The following MAPK13 variants were observed in gnomAD, a reference collection of about 807,000 sequenced individuals.
MAPK13 encodes mitogen-activated protein kinase 13, also known as MAP kinase 13.
In MAPK13, 39 loss-of-function variants were observed where a neutral mutation model predicts 53.5. The observed-to-expected ratio is 0.73, with a 90% CI of 0.56 to 0.95. The LOEUF (loss-of-function observed/expected upper bound fraction) is 0.95, where lower values mean the gene tolerates loss of function less well. Ranked by LOEUF, MAPK13 falls within the 40% of genes least tolerant of loss-of-function variation. The pLI is 0.00. For synonymous variants in MAPK13, 179 were observed against 190.9 expected, an observed-to-expected ratio of 0.94 and a Z score of 0.51; for missense variants, 460 against 471.8, an observed-to-expected ratio of 0.98 and a Z score of 0.23.
chr6:36,133,538 G>T (rs1262016539), intron 3 of MAPK13, among the ~76,000 whole-genome samples: 1 of 152,194 alleles, frequency 6.6e-6, no homozygotes, highest in Non-Finnish European at 1.5e-5. Context: ...TGGAGGAATG[G>T]GCAGGTTCCT....
chr6:36,139,114 C>G, intron 11 of MAPK13, 59 bp downstream of exon 11: 1 of 1,520,532 alleles, frequency 6.6e-7, no homozygotes, highest in Non-Finnish European at 8.8e-7. Flanking sequence ...TCCTTGCTTC[C>G]TCCATCTTTG....
In MAPK13 at chr6:36,131,408, G is replaced by T. The variant is rs1287135781; in HGVS notation, c.249+8G>T. On this transcript the variant is annotated splice_region_variant and intron_variant, in intron 2 of 11. Coordinates refer to ENST00000211287, the MANE Select transcript of MAPK13 (RefSeq NM_002754.5). The stretch of plus-strand genomic sequence containing the variant: ...CACATGCAGCATGAGAACGTAGGTG[G>T]TGGCTGCCCCGGGGAGGGGGTGGGG... The T allele has an allele frequency of 5.0e-6, 8 of 1,609,966 alleles. No homozygotes were observed. The highest frequency in any genetic ancestry group is 1.7e-4 in the Middle Eastern group (1 of 6,052).
At chr6:36,134,699 A>ATTT (rs987716419) in intron 3 of MAPK13, among the ~76,000 whole-genome samples, 2 of 143,780 alleles carry the variant, frequency 1.4e-5, no homozygotes, top group South Asian at 4.4e-4. Context: ...CACCTGGCTA[A>ATTT]TTTTTTTTTT....
At chr6:36,133,476 C>T (rs985689752) in intron 3 of MAPK13, among the ~76,000 whole-genome samples, 5 of 152,064 alleles carry the variant, frequency 3.3e-5, no homozygotes, top group African/African-American at 7.2e-5. Context: ...GAGGCAGGGC[C>T]GACACAATGT....
chr6:36,134,533 C>G (rs906793445), intron 3 of MAPK13, among the ~76,000 whole-genome samples: 1 of 152,112 alleles, frequency 6.6e-6, no homozygotes, highest in African/African-American at 2.4e-5. Flanking sequence ...GGTGGGACTA[C>G]AGATGCATGC....
intron 5 of MAPK13, 54 bp downstream of exon 5, chr6:36,136,102 T>C: frequency 1.6e-5 from 25 of 1,598,226 alleles, no homozygotes; most frequent in Non-Finnish European, 1.5e-5. Context: ...TCCCTGGGTA[T>C]GGGGTTCTCT....
At chr6:36,135,717 C>T (rs200235902) in intron 3 of MAPK13, 36 bp from the exon 4 acceptor site, 3 of 1,499,662 alleles carry the variant, frequency 2.0e-6, no homozygotes, top group Non-Finnish European at 2.8e-6. Context: ...CTGGGTGGGA[C>T]CCGGCACTGT....
intron 3 of MAPK13, among the ~76,000 whole-genome samples, chr6:36,133,826 A>G (rs561299068): frequency 3.9e-5 from 6 of 152,284 alleles, no homozygotes; most frequent in African/African-American, 9.6e-5. Flanking sequence ...ATCCAAGAGG[A>G]TGAGCAGATG....
chr6:36,144,300 CAT>C lies in MAPK13; in HGVS notation c.*4930_*4931del, dbSNP rs1280377073. 2 of 152,088 alleles carry C rather than the reference CAT, an allele frequency of 1.3e-5. No homozygotes were observed. Among genetic ancestry groups the C allele is most frequent in the Non-Finnish European group, 2.9e-5 (2 of 68,018 alleles). 9.4% of individuals were successfully genotyped at this position (152,088 alleles called of 1,614,324 possible). A position where few individuals can be genotyped will look rare whatever the true frequency, so the allele number is the denominator to read the frequency against. ...CTATGTGTATAGGTTTCTTTATTAACATATTGAATAAAAAGATCGAGGGTAGG... is the reference window on the plus strand; with the variant it reads ...CTATGTGTATAGGTTTCTTTATTAACATTGAATAAAAAGATCGAGGGTAGG... On this transcript the variant is annotated 3_prime_UTR_variant, in exon 12 of 12. Coordinates refer to ENST00000211287, the MANE Select transcript of MAPK13 (RefSeq NM_002754.5).
Position 36,138,871 on chromosome 6 carries a change from C to T in MAPK13, c.842-8C>T. 1.9e-6 allele frequency: 3 copies of T among 1,610,632 alleles called. No individual in the cohort carries two copies. The highest frequency in any genetic ancestry group is 1.1e-5 in the South Asian group (1 of 90,876). ...CCTGGTGTGAGGCTCTTGGCTCTGC[C>T]CCTGCAGCTGCGGACCTGCTGGAGA... On this transcript the variant is annotated splice_polypyrimidine_tract_variant and splice_region_variant and intron_variant, in intron 10 of 11. Transcript: ENST00000211287.
Position 36,130,587 on chromosome 6 carries a change from G to A in MAPK13, c.5G>A (p.Ser2Asn). The change falls in exon 1 of 12, where the codon AGC (serine) becomes AAC (asparagine). Residue 2 changes from serine (S) to asparagine (N), a missense_variant. Ser to Asn is a conservative substitution (Grantham distance 46). Coordinates refer to ENST00000211287, the MANE Select transcript of MAPK13 (RefSeq NM_002754.5). This position sits in a 1 kb window ranked among gnomAD's most constrained non-coding sequence, Gnocchi z 4.5. Reference sequence around the variant, plus strand: ...CGCCGAGATCGGGTGCCCGGGATGAGCCTCATCCGGAAAAAGGGCTTCTAC... The same window carrying A: ...CGCCGAGATCGGGTGCCCGGGATGAACCTCATCCGGAAAAAGGGCTTCTAC... M[S>N]LIRKKGFYKQ... 6.4e-7 allele frequency: 1 copy of A among 1,556,350 alleles called. No individual in the cohort carries two copies. Among genetic ancestry groups the A allele is most frequent in the Non-Finnish European group, 8.7e-7 (1 of 1,147,812 alleles).
chr6:36,135,518 T>A (rs1766398838), intron 3 of MAPK13, among the ~76,000 whole-genome samples: 1 of 152,176 alleles, frequency 6.6e-6, no homozygotes, highest in South Asian at 2.1e-4. Context: ...CTGAGCGCGC[T>A]CCAACTGCAG....
At chr6:36,131,470 C>T (rs1581878697) in intron 2 of MAPK13, 70 bp downstream of exon 2, 1 of 1,497,256 alleles carries the variant, frequency 6.7e-7, no homozygotes, top group East Asian at 2.3e-5. Flanking sequence ...GCAGGCGGGG[C>T]CTCCCGGTAT....
Position 36,132,637 on chromosome 6 carries a change from A to T in MAPK13, c.266A>T (p.Asp89Val). Residue 89 changes from aspartate (D) to valine (V), a missense_variant, in exon 3 of 12, where the codon GAT becomes GTT. Asp to Val is a radical substitution (Grantham distance 152). Transcript: ENST00000211287. ...CTTCCCCAGGTCATTGGGCTCCTGGATGTCTTCACCCCAGCCTCCTCCCTG... is the reference window on the plus strand; with the variant it reads ...CTTCCCCAGGTCATTGGGCTCCTGGTTGTCTTCACCCCAGCCTCCTCCCTG... The part of the protein sequence containing the change: ...MQHENVIGLL[D>V]VFTPASSLRN... The T allele has an allele frequency of 1.2e-6, 2 of 1,614,120 alleles. No individual in the cohort carries two copies. The highest frequency in any genetic ancestry group is 1.1e-5 in the South Asian group (1 of 91,090).
intron 3 of MAPK13, among the ~76,000 whole-genome samples, chr6:36,133,290 G>A (rs1266968281): frequency 2.6e-5 from 4 of 152,288 alleles, no homozygotes; most frequent in African/African-American, 7.2e-5. Context: ...ACTTTGAGCC[G>A]GGAGGTGATA....
Position 36,130,699 on chromosome 6 carries a change from G to A in MAPK13, c.117G>A (p.Val39=), listed in dbSNP as rs1766298980. ...TCGGCAGCGGGGCCTATGGCTCCGTGTGGTGAGACCCCTGGGCCGCTGGGG... is the reference window on the plus strand; with the variant it reads ...TCGGCAGCGGGGCCTATGGCTCCGTATGGTGAGACCCCTGGGCCGCTGGGG... The part of the protein sequence containing the change: ...THVGSGAYGS[V]CSAIDKRSGE... The change falls in exon 1 of 12, where the codon GTG becomes GTA. Residue 39 remains valine (V), a splice_region_variant and synonymous_variant. Transcript: ENST00000211287. The surrounding 1 kb of genome is among the most constrained non-coding windows in gnomAD (Gnocchi z 4.5). 1.6e-6 allele frequency: 2 copies of A among 1,266,420 alleles called. No individual in the cohort carries two copies. The highest frequency in any genetic ancestry group is 2.2e-6 in the Non-Finnish European group (2 of 894,498). The allele number at this position is 1,266,420 out of a possible 1,614,324, so 78.4% of individuals were successfully genotyped here.
rs1476732952 is a variant in MAPK13, at chr6:36,138,713, C to T, written c.774C>T (p.Tyr258=). 1.9e-6 allele frequency: 3 copies of T among 1,614,188 alleles called. No individual in the cohort carries two copies. The highest frequency in any genetic ancestry group is 1.7e-6 in the Non-Finnish European group (2 of 1,180,012). The change falls in exon 10 of 12, where the codon TAC becomes TAT. Residue 258 remains tyrosine, a synonymous_variant. Coordinates refer to ENST00000211287, the MANE Select transcript of MAPK13 (RefSeq NM_002754.5). ...QKLNDKAAKS[Y]IQSLPQTPRK... Reference sequence around the variant, plus strand: ...TTTCTGTCTTCCAGGCCAAATCCTACATCCAGTCCCTGCCACAGACCCCCA... The same window carrying T: ...TTTCTGTCTTCCAGGCCAAATCCTATATCCAGTCCCTGCCACAGACCCCCA...
In MAPK13 at chr6:36,139,432, T is replaced by TC; in HGVS notation, c.*59_*60insC. 1 of 1,403,102 alleles carries TC rather than the reference T, an allele frequency of 7.1e-7. No homozygotes were observed. The highest frequency in any genetic ancestry group is 1.0e-6 in the Non-Finnish European group (1 of 989,502). 86.9% of individuals were successfully genotyped at this position (1,403,102 alleles called of 1,614,324 possible). A position where few individuals can be genotyped will look rare whatever the true frequency, so the allele number is the denominator to read the frequency against. On this transcript the variant is annotated 3_prime_UTR_variant, in exon 12 of 12. Coordinates refer to ENST00000211287, the MANE Select transcript of MAPK13 (RefSeq NM_002754.5). ...CTGCCCAAGGACCAGTATTTGTCAC[T>TC]ACCAAACTCAGCCCTTCTTGGAATA...
chr6:36,138,544 T>C, intron 9 of MAPK13, 100 bp downstream of exon 9: 2 of 1,326,878 alleles, frequency 1.5e-6, no homozygotes, highest in Non-Finnish European at 2.1e-6. Context: ...CACCAGCACC[T>C]TCCCACAGCA....
Sources: allele counts gnomAD v4.1 joint callset (sites outside exome capture counted in the v4.1 genomes callset), GRCh38; gene constraint gnomAD v4.1.1; non-coding constraint Gnocchi (gnomAD v3.1); transcripts MANE v1.5; gene names NCBI Gene and HGNC (gene_info 2026-07-23, HGNC 2026-07-21).